Variants in GALNT14 observed in about 807,000 individuals in gnomAD.
GALNT14 encodes the protein polypeptide N-acetylgalactosaminyltransferase 14.
Under a neutral mutation model 77.5 loss-of-function variants are expected in GALNT14, and 60 were observed. The observed-to-expected ratio is 0.77, with a 90% CI of 0.63 to 0.96. The LOEUF (loss-of-function observed/expected upper bound fraction) is 0.96. GALNT14 is among the 40% of genes least tolerant of loss of function. The pLI is 0.00. For missense variants in GALNT14, 710 were observed against 731.0 expected, an observed-to-expected ratio of 0.97 and a Z score of 0.33; for synonymous variants, 280 against 281.7, an observed-to-expected ratio of 0.99 and a Z score of 0.06.
At chr2:31,047,816 T>C (rs11694354) in intron 1 of GALNT14, among the ~76,000 whole-genome samples, 65,595 of 151,790 alleles carry the variant, frequency 0.43, 14,443 homozygotes, top group East Asian at 0.54. Context: ...GCAAATGAGT[T>C]GTATGCCTAA....
intron 1 of GALNT14, among the ~76,000 whole-genome samples, chr2:31,050,613 AAC>A (rs1673790834): frequency 6.6e-6 from 1 of 152,296 alleles, no homozygotes; most frequent in East Asian, 1.9e-4. Context: ...GAGTTCAGTT[AAC>A]AGTGAAGCAT....
rs560112716 is a variant in GALNT14, at chr2:31,112,344, T to C, written c.129+25614A>G. 2.6e-5 allele frequency among the ~76,000 whole-genome samples: 4 copies of C among 152,312 alleles called. No homozygotes were observed. In the South Asian group the frequency reaches 8.3e-4, roughly 32 times the overall value. ...TCAGCTTGTGAGACGTCCCATAGCATTTACTGACCTCGTATTCATAGACCC... is the reference window on the plus strand; with the variant it reads ...TCAGCTTGTGAGACGTCCCATAGCACTTACTGACCTCGTATTCATAGACCC... On this transcript the variant is annotated intron_variant, in intron 1 of 14. Coordinates refer to ENST00000349752, the MANE Select transcript of GALNT14 (RefSeq NM_024572.4).
At chr2:31,022,004 T>C (rs1164831358) in intron 1 of GALNT14, among the ~76,000 whole-genome samples, 2 of 152,232 alleles carry the variant, frequency 1.3e-5, no homozygotes, top group Non-Finnish European at 2.9e-5. Context: ...TATGCAGTGA[T>C]GGCCTCAAAG....
chr2:31,067,687 C>A (rs373997012), intron 1 of GALNT14, among the ~76,000 whole-genome samples: 1 of 152,188 alleles, frequency 6.6e-6, no homozygotes. Context: ...CCAACTTGCA[C>A]AGCAAAAATA....
At chr2:31,035,020 C>T (rs1366245601) in intron 1 of GALNT14, among the ~76,000 whole-genome samples, 2 of 152,156 alleles carry the variant, frequency 1.3e-5, no homozygotes, top group Non-Finnish European at 2.9e-5. Flanking sequence ...TAACATATGG[C>T]CTATCCTAGA....
chr2:30,954,770 G>A (rs1321336742), intron 6 of GALNT14, among the ~76,000 whole-genome samples: 1 of 152,218 alleles, frequency 6.6e-6, no homozygotes, highest in Non-Finnish European at 1.5e-5. Flanking sequence ...TTGAGGTAAC[G>A]CCAGCGTTCT....
chr2:30,998,767 G>A (rs927319134), intron 1 of GALNT14, among the ~76,000 whole-genome samples: 2 of 152,140 alleles, frequency 1.3e-5, no homozygotes, highest in African/African-American at 2.4e-5. Flanking sequence ...TTAGAACTCC[G>A]GCAGCCAGCT....
At chr2:30,977,492 TC>T (rs921489259) in intron 2 of GALNT14, among the ~76,000 whole-genome samples, 1 of 152,190 alleles carries the variant, frequency 6.6e-6, no homozygotes, top group African/African-American at 2.4e-5. Context: ...GCATAGTATC[TC>T]CCCTTGATAC....
the GALNT14 span, among the ~76,000 whole-genome samples, chr2:30,892,177 A>G: frequency 6.6e-6 from 1 of 152,218 alleles, no homozygotes; most frequent in African/African-American, 2.4e-5. Context: ...GATGATTACA[A>G]ATTTGAGAAA....
the GALNT14 span, among the ~76,000 whole-genome samples, chr2:30,902,890 T>C: frequency 6.6e-6 from 1 of 152,168 alleles, no homozygotes; most frequent in African/African-American, 2.4e-5. Flanking sequence ...TTTCACTACA[T>C]AGGAGAGAGG....
At chr2:30,959,569 G>A (rs965757507) in intron 3 of GALNT14, among the ~76,000 whole-genome samples, 2 of 152,170 alleles carry the variant, frequency 1.3e-5, no homozygotes, top group African/African-American at 4.8e-5. Context: ...AGAAAACAGG[G>A]ATAATAGGAG....
intron 1 of GALNT14, among the ~76,000 whole-genome samples, chr2:31,059,043 T>A (rs1674419650): frequency 6.6e-6 from 1 of 151,814 alleles, no homozygotes; most frequent in African/African-American, 2.4e-5. Context: ...AGCCATTGAG[T>A]GTCTGTGGTT....
chr2:31,106,577 C>T (rs542872919), intron 1 of GALNT14, among the ~76,000 whole-genome samples: 7 of 152,308 alleles, frequency 4.6e-5, no homozygotes, highest in African/African-American at 1.2e-4. Flanking sequence ...TTCACCACCT[C>T]TTGCCATTTT....
intron 13 of GALNT14, among the ~76,000 whole-genome samples, chr2:30,919,819 T>A (rs1016997472): frequency 1.3e-5 from 2 of 152,186 alleles, no homozygotes; most frequent in Non-Finnish European, 2.9e-5. Flanking sequence ...GCCAGCATGG[T>A]ATGTGTCCCA....
chr2:31,007,121 T>C (rs1296636833), intron 1 of GALNT14, among the ~76,000 whole-genome samples: 1 of 152,166 alleles, frequency 6.6e-6, no homozygotes, highest in Admixed American at 6.5e-5. Flanking sequence ...ACTCTTTTTA[T>C]GTCAAAAGCA....
intron 9 of GALNT14, among the ~76,000 whole-genome samples, chr2:30,936,962 G>C (rs954567852): frequency 2.6e-5 from 4 of 152,328 alleles, no homozygotes; most frequent in Admixed American, 1.3e-4. Context: ...AGAAGCAGCA[G>C]GAAAGGACGG....
At chr2:31,126,424 C>T (rs1416879915) in intron 1 of GALNT14, among the ~76,000 whole-genome samples, 1 of 152,132 alleles carries the variant, frequency 6.6e-6, no homozygotes, top group African/African-American at 2.4e-5. Flanking sequence ...TACTTATAAA[C>T]AGCATGATCT....
intron 1 of GALNT14, among the ~76,000 whole-genome samples, chr2:31,029,184 G>A (rs553878259): frequency 8.5e-5 from 13 of 152,300 alleles, no homozygotes; most frequent in South Asian, 2.1e-4. Flanking sequence ...CAAGTCATTC[G>A]CGGGATCTAT....
Position 30,910,719 on chromosome 2 carries a change from T to C in GALNT14, c.*182A>G, listed in dbSNP as rs949249120. The C allele has an allele frequency of 1.0e-5, 6 of 588,534 alleles. No homozygotes were observed. Among genetic ancestry groups the C allele is most frequent in the South Asian group, 9.0e-5 (4 of 44,378 alleles). The allele number at this position is 588,534 out of a possible 1,614,324, so 36.5% of individuals were successfully genotyped here. A position where few individuals can be genotyped will look rare whatever the true frequency, so the allele number is the denominator to read the frequency against. ...ATGTGGGATTTGTCTTTGAGCCCCA[T>C]TGGCTTGTGATGTTTTCCTCTGTCC... On this transcript the variant is annotated 3_prime_UTR_variant, in exon 15 of 15. Transcript: ENST00000349752.
Sources: allele counts gnomAD v4.1 joint callset (sites outside exome capture counted in the v4.1 genomes callset), GRCh38; gene constraint gnomAD v4.1.1; transcripts MANE v1.5; gene names NCBI Gene and HGNC (gene_info 2026-07-23, HGNC 2026-07-21).